Variants in DYNC1H1 observed in about 807,000 individuals in gnomAD.
DYNC1H1 encodes cytoplasmic dynein 1 heavy chain 1.
In DYNC1H1, 51 loss-of-function variants were observed where a neutral mutation model predicts 527.1. The observed-to-expected ratio is 0.10, with a 90% CI of 0.08 to 0.12. The LOEUF (loss-of-function observed/expected upper bound fraction) is 0.12. DYNC1H1 is among the 10% of genes least tolerant of loss of function. DYNC1H1 has a pLI of 1.00. For missense variants in DYNC1H1, 2,771 were observed against 5,971.8 expected, an observed-to-expected ratio of 0.46 and a Z score of 17.66; for synonymous variants, 2,189 against 2,278.8, an observed-to-expected ratio of 0.96 and a Z score of 1.12.
In DYNC1H1 at chr14:101,984,431, G is replaced by GTGTA. The variant is rs1278450270; in HGVS notation, c.1461+823_1461+824insGTAT. ...TGTGTGTGTGTGTGTGTGTGTGTGT[G>GTGTA]TATATATATATATATTATATTTTTT... is the stretch of plus-strand genomic sequence containing the variant. On this transcript the variant is annotated intron_variant, in intron 7 of 77. Coordinates refer to ENST00000360184, the MANE Select transcript of DYNC1H1 (RefSeq NM_001376.5). 9.4e-3 allele frequency among the ~76,000 whole-genome samples: 774 copies of GTGTA among 82,758 alleles called. 1 individual carries two copies. The highest frequency in any genetic ancestry group is 0.011 in the Non-Finnish European group (440 of 38,786). 54.3% of individuals were successfully genotyped at this position (82,758 alleles called of 152,430 possible). A position where few individuals can be genotyped will look rare whatever the true frequency, so the allele number is the denominator to read the frequency against.
chr14:101,968,460 C>A (rs2047693268), intron 1 of DYNC1H1, among the ~76,000 whole-genome samples: 1 of 146,576 alleles, frequency 6.8e-6, no homozygotes, highest in Non-Finnish European at 1.5e-5. Context: ...TCTGGGACTT[C>A]AGGGCTCAAG....
In DYNC1H1 at chr14:101,999,857, C is replaced by T. The variant is rs1394842093; in HGVS notation, c.3805-132C>T. On this transcript the variant is annotated intron_variant, in intron 16 of 77. Coordinates refer to ENST00000360184, the MANE Select transcript of DYNC1H1 (RefSeq NM_001376.5). ...AAAGTGGACATCTTGTTGAATGTTT[C>T]CTTATGAAGATGTGTGCAAAGAATC... 25 of 1,252,756 alleles carry T rather than the reference C, an allele frequency of 2.0e-5. 1 individual carries two copies. Among genetic ancestry groups the T allele is most frequent in the Non-Finnish European group, 2.3e-5 (20 of 880,838 alleles). The allele number at this position is 1,252,756 out of a possible 1,614,324, so 77.6% of individuals were successfully genotyped here.
chr14:101,986,088 C>T lies in DYNC1H1; in HGVS notation c.1863C>T (p.Asp621=), dbSNP rs779170936. 1.9e-6 allele frequency: 3 copies of T among 1,614,090 alleles called. No homozygotes were observed. Among genetic ancestry groups the T allele is most frequent in the Admixed American group, 1.7e-5 (1 of 60,010 alleles). ...RVKDDIESLH[D]KFKVQYPQSQ... is the part of the protein sequence containing the mutation. ...AAGATGACATTGAGTCTCTTCACGA[C>T]AAGTTCAAGGTCCAGTACCCACAGA... is the stretch of plus-strand genomic sequence containing the variant. The change falls in exon 8 of 78, where the codon GAC becomes GAT. Residue 621 remains aspartate (D), a synonymous_variant. Coordinates refer to ENST00000360184, the MANE Select transcript of DYNC1H1 (RefSeq NM_001376.5). This position sits in a 1 kb window ranked among gnomAD's most constrained non-coding sequence, Gnocchi z 8.7.
At chr14:102,021,333 T>C (rs1222777492) in intron 42 of DYNC1H1, among the ~76,000 whole-genome samples, 1 of 152,170 alleles carries the variant, frequency 6.6e-6, no homozygotes, top group East Asian at 1.9e-4. Flanking sequence ...GCCATGATCG[T>C]GCCACTGCAT....
At chr14:102,007,769 C>CAT (rs2048213988) in intron 28 of DYNC1H1, among the ~76,000 whole-genome samples, 1 of 152,166 alleles carries the variant, frequency 6.6e-6, no homozygotes, top group Admixed American at 6.5e-5. Flanking sequence ...CTCAGGCCAC[C>CAT]ATATCCAAGC....
intron 23 of DYNC1H1, 126 bp from the exon 24 acceptor site, chr14:102,004,392 A>G: frequency 1.8e-6 from 2 of 1,087,366 alleles, no homozygotes; most frequent in Non-Finnish European, 2.6e-6. Flanking sequence ...TGTGATCTGA[A>G]TTTGGGCTGG....
chr14:102,040,357 C>T lies in DYNC1H1; in HGVS notation c.11812C>T (p.Leu3938=). 6.2e-7 allele frequency: 1 copy of T among 1,614,206 alleles called. No homozygotes were observed. Among genetic ancestry groups the T allele is most frequent in the Non-Finnish European group, 8.5e-7 (1 of 1,180,036 alleles). The change falls in exon 63 of 78, where the codon CTG becomes TTG. Residue 3938 remains leucine (L), a synonymous_variant. Transcript: ENST00000360184. The part of the protein sequence containing the change: ...TVEQAEAVVR[L]SCLPAFKDLI... ...GGAGCAGGCGGAGGCGGTGGTGAGG[C>T]TGAGCTGCCTTCCCGCGTTTAAGGA...
In DYNC1H1 at chr14:102,029,519, A is replaced by G. The variant is rs2720210; in HGVS notation, c.9469-20A>G. The G allele has an allele frequency of 3.1e-5, 50 of 1,614,042 alleles. 1 individual carries two copies. In the South Asian group the frequency reaches 5.4e-4, roughly 17 times the overall value. On this transcript the variant is annotated intron_variant, in intron 48 of 77. Coordinates refer to ENST00000360184, the MANE Select transcript of DYNC1H1 (RefSeq NM_001376.5). This position sits in a 1 kb window ranked among gnomAD's most constrained non-coding sequence, Gnocchi z 5.3. The stretch of plus-strand genomic sequence containing the variant: ...ACAGAGTTTCCTGAAGAGTGAGAAG[A>G]TGTAACTATTTTCTGAAAGGCGAAT...
chr14:102,048,512 T>C lies in DYNC1H1; in HGVS notation c.13219-4T>C. Reference sequence around the variant, plus strand: ...CTTCTCTTCACCCTTTTGAACGATTTTAGGATCCTTTGTTCAGGTTCTTTG... The same window carrying C: ...CTTCTCTTCACCCTTTTGAACGATTCTAGGATCCTTTGTTCAGGTTCTTTG... On this transcript the variant is annotated splice_polypyrimidine_tract_variant and splice_region_variant and intron_variant, in intron 73 of 77. Transcript: ENST00000360184. 1.2e-6 allele frequency: 2 copies of C among 1,614,044 alleles called. No individual in the cohort carries two copies. Among genetic ancestry groups the C allele is most frequent in the Non-Finnish European group, 1.7e-6 (2 of 1,179,942 alleles).
Position 102,010,905 on chromosome 14 carries a change from T to C in DYNC1H1, c.6571T>C (p.Leu2191=), listed in dbSNP as rs1192372702. The C allele has an allele frequency of 1.9e-6, 3 of 1,614,214 alleles. No individual in the cohort carries two copies. Among genetic ancestry groups the C allele is most frequent in the East Asian group, 2.2e-5 (1 of 44,884 alleles). ...GAAGAAAGTGTGTCAGGAGATGTAT[T>C]TGACATATGGAGATGGAGAAGAAGT... ...ELKKVCQEMY[L]TYGDGEEVGG... Residue 2191 remains leucine (L), a synonymous_variant, in exon 32 of 78, where the codon TTG becomes CTG. Coordinates refer to ENST00000360184, the MANE Select transcript of DYNC1H1 (RefSeq NM_001376.5). This position sits in a 1 kb window ranked among gnomAD's most constrained non-coding sequence, Gnocchi z 6.0.
intron 18 of DYNC1H1, 100 bp from the exon 19 acceptor site, chr14:102,000,854 T>G: frequency 2.5e-5 from 27 of 1,093,130 alleles, no homozygotes; most frequent in Non-Finnish European, 3.4e-5. Context: ...ATTACAGGCA[T>G]GAGCCACCGC....
At chr14:101,991,424 C>T in intron 10 of DYNC1H1, 103 bp from the exon 11 acceptor site, 3 of 1,425,116 alleles carry the variant, frequency 2.1e-6, no homozygotes, top group Non-Finnish European at 2.9e-6. Context: ...AAGGTTGTGC[C>T]ATTACACTGC....
Position 101,964,802 on chromosome 14 carries a change from G to T in DYNC1H1, c.111G>T (p.Leu37=). The change falls in exon 1 of 78, where the codon CTG becomes CTT. Residue 37 remains leucine, a synonymous_variant. Coordinates refer to ENST00000360184, the MANE Select transcript of DYNC1H1 (RefSeq NM_001376.5). The surrounding 1 kb of genome is among the most constrained non-coding windows in gnomAD (Gnocchi z 5.5). The part of the protein sequence containing the change: ...VSVLQKHLRK[L]VPLLLEDGGE... ...TGCTGCAGAAGCACCTGCGCAAGCT[G>T]GTGCCGCTGCTGCTGGAGGACGGCG... The T allele has an allele frequency of 6.2e-7, 1 of 1,604,256 alleles. No individual in the cohort carries two copies. Among genetic ancestry groups the T allele is most frequent in the Non-Finnish European group, 8.5e-7 (1 of 1,176,906 alleles).
At chr14:102,028,247 C>G in intron 48 of DYNC1H1, 106 bp downstream of exon 48, 1 of 1,364,474 alleles carries the variant, frequency 7.3e-7, no homozygotes, top group African/African-American at 1.4e-5. Flanking sequence ...TGCAGTGACT[C>G]ATGCCTGTAA....
rs773754964 is a variant in DYNC1H1, at chr14:102,011,607, A to G, written c.6619-268A>G. On this transcript the variant is annotated intron_variant, in intron 32 of 77. Coordinates refer to ENST00000360184, the MANE Select transcript of DYNC1H1 (RefSeq NM_001376.5). This position sits in a 1 kb window ranked among gnomAD's most constrained non-coding sequence, Gnocchi z 5.3. Reference sequence around the variant, plus strand: ...CTGGGGAGTTTCAGTACTTGCCTTTAATAATCCATAGATAGGCGCTTGTAA... The same window carrying G: ...CTGGGGAGTTTCAGTACTTGCCTTTGATAATCCATAGATAGGCGCTTGTAA... 22 of 466,296 alleles carry G rather than the reference A, an allele frequency of 4.7e-5. No individual in the cohort carries two copies. Among genetic ancestry groups the G allele is most frequent in the Non-Finnish European group, 8.7e-5 (22 of 253,222 alleles). The allele number at this position is 466,296 out of a possible 1,614,324, so 28.9% of individuals were successfully genotyped here.
At chr14:101,971,198 A>G (rs989730057) in intron 1 of DYNC1H1, among the ~76,000 whole-genome samples, 4 of 147,372 alleles carry the variant, frequency 2.7e-5, no homozygotes, top group Non-Finnish European at 5.9e-5. Context: ...CCTGGGCTCA[A>G]GAGATCCTCC....
In DYNC1H1 at chr14:102,033,782, CTGAGA is replaced by C. The variant is rs1457961440; in HGVS notation, c.10414-192_10414-188del. On this transcript the variant is annotated intron_variant, in intron 54 of 77. Coordinates refer to ENST00000360184, the MANE Select transcript of DYNC1H1 (RefSeq NM_001376.5). This position sits in a 1 kb window ranked among gnomAD's most constrained non-coding sequence, Gnocchi z 5.6. ...CGCTCCGTACCCAGCTTCTGCCCCG[CTGAGA>C]TTCTGAGTCGTGTGTGGTCATTAGT... 5.1e-5 allele frequency: 36 copies of C among 711,014 alleles called. No individual in the cohort carries two copies. Among genetic ancestry groups the C allele is most frequent in the Middle Eastern group, 3.9e-4 (1 of 2,588 alleles). The allele number at this position is 711,014 out of a possible 1,614,324, so 44.0% of individuals were successfully genotyped here.
At position 102,036,083 on chromosome 14, in the gene DYNC1H1, G is replaced by A. The variant is rs940173988; in HGVS notation, c.10755-406G>A. The A allele has an allele frequency of 2.9e-5, 7 of 241,756 alleles. No individual in the cohort carries two copies. The highest frequency in any genetic ancestry group is 6.8e-5 in the African/African-American group (3 of 44,376). The allele number at this position is 241,756 out of a possible 1,614,324, so 15.0% of individuals were successfully genotyped here. A position where few individuals can be genotyped will look rare whatever the true frequency, so the allele number is the denominator to read the frequency against. Reference sequence around the variant, plus strand: ...TGACGTAGTGTCTGTAATTTGACACGGTCCTTGGCAATTAAAATTCTGTAT... The same window carrying A: ...TGACGTAGTGTCTGTAATTTGACACAGTCCTTGGCAATTAAAATTCTGTAT... On this transcript the variant is annotated intron_variant, in intron 56 of 77. Coordinates refer to ENST00000360184, the MANE Select transcript of DYNC1H1 (RefSeq NM_001376.5). The surrounding 1 kb of genome is among the most constrained non-coding windows in gnomAD (Gnocchi z 5.6).
intron 28 of DYNC1H1, among the ~76,000 whole-genome samples, chr14:102,007,359 CAGTTT>C (rs1268645626): frequency 6.6e-6 from 1 of 152,102 alleles, no homozygotes; most frequent in Admixed American, 6.5e-5. Flanking sequence ...TCTAAAATGT[CAGTTT>C]TTTGACGACA....
Sources: gnomAD v4.1 joint callset for allele counts (sites outside exome capture counted in the v4.1 genomes callset) on GRCh38, gnomAD v4.1.1 for gene constraint, Gnocchi (gnomAD v3.1) non-coding constraint, MANE v1.5 for transcripts, NCBI Gene and HGNC (gene_info 2026-07-23, HGNC 2026-07-21) for gene names.